The following PROS1 variants were observed in gnomAD, a reference collection of about 807,000 sequenced individuals.
PROS1 encodes protein S, also known as vitamin K-dependent protein S.
In PROS1, 29 loss-of-function variants were observed where a neutral mutation model predicts 75.9. That is an observed-to-expected ratio of 0.38 (90% CI 0.28 to 0.52). PROS1 has a LOEUF of 0.52. Among genes scored for constraint, PROS1 ranks in the 20% least tolerant of loss-of-function variants. The pLI, the probability that PROS1 is intolerant of heterozygous loss-of-function variation, is 0.83. For missense variants in PROS1, 680 were observed against 810.3 expected (o/e 0.84, Z 1.95); for synonymous variants, 245 against 280.6 (o/e 0.87, Z 1.27).
At chr3:93,944,283 C>A (rs977174455) in intron 1 of PROS1, among the ~76,000 whole-genome samples, 1 of 151,578 alleles carries the variant, frequency 6.6e-6, no homozygotes, top group Non-Finnish European at 1.5e-5. Context: ...ACGAAAAAAT[C>A]ATCAGAAATA....
At chr3:93,876,521 G>A (rs1160054583) in intron 14 of PROS1, among the ~76,000 whole-genome samples, 3 of 148,118 alleles carry the variant, frequency 2.0e-5, no homozygotes, top group Non-Finnish European at 4.5e-5. Flanking sequence ...CCCAGGAGGC[G>A]GAGCTTGCAG....
chr3:93,899,634 T>C (rs1321146424), intron 7 of PROS1, among the ~76,000 whole-genome samples: 14 of 152,090 alleles, frequency 9.2e-5, no homozygotes. Context: ...GGGAATATTT[T>C]TGGTGATTGC....
chr3:93,938,860 T>C (rs560751746), intron 1 of PROS1, among the ~76,000 whole-genome samples: 22 of 152,184 alleles, frequency 1.4e-4, no homozygotes, highest in Admixed American at 5.2e-4. Flanking sequence ...GATGCCTGCC[T>C]TCATTCACCC....
intron 11 of PROS1, among the ~76,000 whole-genome samples, 194 bp downstream of exon 11, chr3:93,886,142 A>G (rs551118117): frequency 1.3e-5 from 2 of 152,278 alleles, no homozygotes; most frequent in East Asian, 1.9e-4. Context: ...GCACAAAACC[A>G]CTACGTCATT....
At chr3:93,949,338 A>G (rs1274979114) in intron 1 of PROS1, among the ~76,000 whole-genome samples, 1 of 152,212 alleles carries the variant, frequency 6.6e-6, no homozygotes, top group African/African-American at 2.4e-5. Flanking sequence ...AAAATTGAGT[A>G]TTTCGTACCC....
intron 13 of PROS1, 121 bp downstream of exon 13, chr3:93,879,042 C>A: frequency 1.4e-5 from 14 of 1,034,024 alleles, no homozygotes; most frequent in Non-Finnish European, 2.0e-5. Context: ...TTGTGCCAAA[C>A]ACTTTACATA....
chr3:93,907,233 C>T (rs1032525857), intron 4 of PROS1, among the ~76,000 whole-genome samples: 1 of 152,192 alleles, frequency 6.6e-6, no homozygotes, highest in Admixed American at 6.5e-5. Context: ...ATAAAAACCC[C>T]AGACTCAGCC....
chr3:93,912,928 G>T (rs549192053), intron 3 of PROS1, among the ~76,000 whole-genome samples: 2 of 152,104 alleles, frequency 1.3e-5, no homozygotes, highest in Non-Finnish European at 2.9e-5. Flanking sequence ...CCTAGTATTT[G>T]CTCCAGCCCC....
At chr3:93,902,570 T>G (rs1708611117) in intron 6 of PROS1, among the ~76,000 whole-genome samples, 1 of 151,952 alleles carries the variant, frequency 6.6e-6, no homozygotes, top group Admixed American at 6.6e-5. Flanking sequence ...CTGGTCAACA[T>G]GGCAAAACCC....
intron 1 of PROS1, among the ~76,000 whole-genome samples, chr3:93,963,315 G>A (rs1268634977): frequency 1.3e-5 from 2 of 152,136 alleles, no homozygotes; most frequent in Non-Finnish European, 2.9e-5. Context: ...TTTCCATTGA[G>A]CTATGTAGTT....
intron 1 of PROS1, among the ~76,000 whole-genome samples, chr3:93,928,182 T>C (rs1015765662): frequency 6.7e-6 from 1 of 149,146 alleles, no homozygotes; most frequent in Non-Finnish European, 1.5e-5. Flanking sequence ...ATAAAAAATA[T>C]TAATTGTTCA....
At chr3:93,903,778 G>A (rs1201491335) in intron 6 of PROS1, among the ~76,000 whole-genome samples, 1 of 152,070 alleles carries the variant, frequency 6.6e-6, no homozygotes, top group Non-Finnish European at 1.5e-5. Context: ...ATCCAGCATT[G>A]TGATGGTTTT....
In PROS1 at chr3:93,873,199, A is replaced by G. The variant is rs546710591; in HGVS notation, c.*1046T>C. ...AAACTGTCAGTGAAACATCTGATACACATCTGGCTATGAATGGTAGATTCA... is the reference window on the plus strand; with the variant it reads ...AAACTGTCAGTGAAACATCTGATACGCATCTGGCTATGAATGGTAGATTCA... On this transcript the variant is annotated 3_prime_UTR_variant, in exon 15 of 15. Coordinates refer to ENST00000394236, the MANE Select transcript of PROS1 (RefSeq NM_000313.4). 1.4e-4 allele frequency: 21 copies of G among 152,370 alleles called. No homozygotes were observed. The highest frequency in any genetic ancestry group is 9.1e-4 in the Admixed American group (14 of 15,304). 9.4% of individuals were successfully genotyped at this position (152,370 alleles called of 1,614,324 possible). A position where few individuals can be genotyped will look rare whatever the true frequency, so the allele number is the denominator to read the frequency against.
intron 1 of PROS1, among the ~76,000 whole-genome samples, chr3:93,972,767 T>A (rs1378383096): frequency 1.3e-5 from 2 of 151,946 alleles, no homozygotes; most frequent in African/African-American, 2.4e-5. Context: ...GAGTATCACT[T>A]GAAGCCGGGG....
At position 93,958,230 on chromosome 3, in the gene PROS1, G is replaced by T. The variant is rs76564253; in HGVS notation, c.76+15444C>A. Among the ~76,000 whole-genome samples, 119 of 152,174 alleles carry T rather than the reference G, an allele frequency of 7.8e-4. 2 individuals carry two copies. In the East Asian group the frequency reaches 0.022, roughly 28 times the overall value. ...TAAAACAGGAATATTTAGGTAAAAA[G>T]AATTTGTGTCATCTAACAGAACAAG... On this transcript the variant is annotated intron_variant, in intron 1 of 14. Coordinates refer to ENST00000394236, the MANE Select transcript of PROS1 (RefSeq NM_000313.4).
At chr3:93,951,874 G>A (rs1255888066) in intron 1 of PROS1, among the ~76,000 whole-genome samples, 1 of 152,074 alleles carries the variant, frequency 6.6e-6, no homozygotes, top group Non-Finnish European at 1.5e-5. Context: ...TCAAAATAAA[G>A]GGATGGAGGA....
intron 1 of PROS1, among the ~76,000 whole-genome samples, chr3:93,960,882 TAG>T (rs1253023571): frequency 2.0e-5 from 3 of 150,144 alleles, no homozygotes; most frequent in Non-Finnish European, 4.4e-5. Flanking sequence ...ATAGATAAAA[TAG>T]AGTTGTTCAG....
At chr3:93,926,585 T>C (rs1024808615) in intron 2 of PROS1, among the ~76,000 whole-genome samples, 2 of 152,142 alleles carry the variant, frequency 1.3e-5, no homozygotes, top group African/African-American at 2.4e-5. Flanking sequence ...TGAGCAGAGA[T>C]TGCACCACTG....
intron 1 of PROS1, among the ~76,000 whole-genome samples, chr3:93,962,607 T>G (rs1281027016): frequency 6.6e-6 from 1 of 152,212 alleles, no homozygotes; most frequent in Non-Finnish European, 1.5e-5. Flanking sequence ...ACCTAATGTA[T>G]GCTGATTAAG....
Sources: allele counts gnomAD v4.1 joint callset (sites outside exome capture counted in the v4.1 genomes callset), GRCh38; gene constraint gnomAD v4.1.1; transcripts MANE v1.5; gene names NCBI Gene and HGNC (gene_info 2026-07-23, HGNC 2026-07-21).